Variants in GRM1 observed in about 807,000 individuals in gnomAD.
GRM1 encodes metabotropic glutamate receptor 1.
GRM1 carries 33 observed loss-of-function variants against 90.9 expected under a neutral mutation model. That is an observed-to-expected ratio of 0.36 (90% CI 0.28 to 0.49). The LOEUF is 0.49. Among genes scored for constraint, GRM1 ranks in the 20% least tolerant of loss-of-function variants. The pLI, the probability that GRM1 is intolerant of heterozygous loss-of-function variation, is 0.99. For synonymous variants in GRM1, 700 were observed against 613.2 expected (o/e 1.14, Z -2.09); for missense variants, 1,190 against 1,534.3 (o/e 0.78, Z 3.75).
At chr6:146,131,965 T>A (rs181098580) in intron 1 of GRM1, among the ~76,000 whole-genome samples, 1 of 152,060 alleles carries the variant, frequency 6.6e-6, no homozygotes, top group Admixed American at 6.5e-5. Flanking sequence ...TGAATAGGAG[T>A]AAGCCTAGCA....
intron 7 of GRM1, among the ~76,000 whole-genome samples, chr6:146,401,580 C>T (rs886747516): frequency 4.6e-5 from 7 of 152,168 alleles, no homozygotes; most frequent in African/African-American, 1.7e-4. Context: ...TTTATTGCAA[C>T]ACCTATGGTT....
intron 7 of GRM1, among the ~76,000 whole-genome samples, chr6:146,409,817 G>T (rs1029710063): frequency 6.6e-6 from 1 of 152,156 alleles, no homozygotes; most frequent in Non-Finnish European, 1.5e-5. Flanking sequence ...TAGCCTCTAT[G>T]CAAATTATCT....
At chr6:146,139,774 C>A (rs1583058668) in intron 1 of GRM1, among the ~76,000 whole-genome samples, 1 of 152,088 alleles carries the variant, frequency 6.6e-6, no homozygotes, top group African/African-American at 2.4e-5. Flanking sequence ...CATTCCATAT[C>A]TTTTGATTGG....
chr6:146,029,551 A>G lies in GRM1; in HGVS notation c.34A>G (p.Ile12Val). ...GCTCCTTTTGTTTTTTTTCCCAGCG[A>G]TCTTTTTGGAGGTGTCCCTTCTCCC... ...VGLLLFFFPA[I>V]FLEVSLLPRS... The change falls in exon 1 of 8, where the codon ATC becomes GTC. Residue 12 changes from isoleucine (I) to valine (V), a missense_variant. Ile to Val is a conservative substitution (Grantham distance 29). Coordinates refer to ENST00000282753, the MANE Select transcript of GRM1 (RefSeq NM_001278064.2). The G allele has an allele frequency of 6.2e-7, 1 of 1,613,814 alleles. No individual in the cohort carries two copies. The highest frequency in any genetic ancestry group is 8.5e-7 in the Non-Finnish European group (1 of 1,179,952).
intron 2 of GRM1, among the ~76,000 whole-genome samples, chr6:146,161,239 A>T (rs978641467): frequency 6.6e-6 from 1 of 152,132 alleles, no homozygotes; most frequent in Admixed American, 6.5e-5. Context: ...TCCTCAAAAA[A>T]GGGTTCTGGA....
At chr6:146,270,894 TTTC>T in intron 2 of GRM1, among the ~76,000 whole-genome samples, 1 of 112,846 alleles carries the variant, frequency 8.9e-6, no homozygotes, top group Admixed American at 9.1e-5. Context: ...TCTTTCTTTC[TTTC>T]TTTCTTTCTT....
intron 1 of GRM1, among the ~76,000 whole-genome samples, chr6:146,128,651 A>G (rs1291991801): frequency 6.6e-6 from 1 of 152,138 alleles, no homozygotes; most frequent in Non-Finnish European, 1.5e-5. Flanking sequence ...TAAAGGAAAA[A>G]CTTTGGGAAA....
At chr6:146,327,126 A>C (rs1431676284) in intron 3 of GRM1, among the ~76,000 whole-genome samples, 1 of 152,192 alleles carries the variant, frequency 6.6e-6, no homozygotes, top group African/African-American at 2.4e-5. Context: ...TCCATCTGCT[A>C]TTCATAGTTT....
At chr6:146,388,832 A>C (rs985314434) in intron 6 of GRM1, among the ~76,000 whole-genome samples, 3 of 152,046 alleles carry the variant, frequency 2.0e-5, no homozygotes, top group African/African-American at 4.8e-5. Context: ...ATAGCTACTT[A>C]ATACATGTTT....
At chr6:146,270,863 TTCTTTCTTTC>T (rs1393068991) in intron 2 of GRM1, among the ~76,000 whole-genome samples, 1 of 63,194 alleles carries the variant, frequency 1.6e-5, no homozygotes, top group Non-Finnish European at 3.0e-5. Flanking sequence ...CTTTCTTTCT[TTCTTTCTTTC>T]TTTCTTTCTT....
At chr6:146,089,350 T>C (rs1224615801) in intron 1 of GRM1, among the ~76,000 whole-genome samples, 1 of 152,044 alleles carries the variant, frequency 6.6e-6, no homozygotes, top group African/African-American at 2.4e-5. Flanking sequence ...TCTTTCCCAG[T>C]CAAAACATCA....
chr6:146,368,496 G>T (rs1326521406), intron 5 of GRM1, among the ~76,000 whole-genome samples: 3 of 151,984 alleles, frequency 2.0e-5, no homozygotes, highest in African/African-American at 7.2e-5. Flanking sequence ...TCAGTAAAAT[G>T]TCAGCTGTGG....
intron 1 of GRM1, among the ~76,000 whole-genome samples, chr6:146,154,845 C>A (rs1034426066): frequency 1.3e-5 from 2 of 152,104 alleles, no homozygotes; most frequent in Admixed American, 1.3e-4. Flanking sequence ...GTACTTATAC[C>A]TTGCCAACAC....
intron 2 of GRM1, among the ~76,000 whole-genome samples, chr6:146,249,833 CA>C (rs912702495): frequency 2.0e-5 from 3 of 152,134 alleles, no homozygotes; most frequent in Admixed American, 1.3e-4. Flanking sequence ...TGAAAGCAGC[CA>C]GGGGGTGGGT....
At position 146,388,475 on chromosome 6, in the gene GRM1, C is replaced by T. The variant is rs139895061; in HGVS notation, c.1729+1459C>T. On this transcript the variant is annotated intron_variant, in intron 6 of 7. Coordinates refer to ENST00000282753, the MANE Select transcript of GRM1 (RefSeq NM_001278064.2). ...TGACTAGGTAAGTAGAACTAGGTCA[C>T]GTAACTAAAATTATACTAAGTGACA... Among the ~76,000 whole-genome samples, 9 of 152,020 alleles carry T rather than the reference C, an allele frequency of 5.9e-5. No individual in the cohort carries two copies. In the East Asian group the frequency reaches 1.2e-3, roughly 20 times the overall value.
rs371024122 is a variant in GRM1, at chr6:146,357,716, G to T, written c.1602+22G>T. On this transcript the variant is annotated intron_variant, in intron 5 of 7. Coordinates refer to ENST00000282753, the MANE Select transcript of GRM1 (RefSeq NM_001278064.2). The stretch of plus-strand genomic sequence containing the variant: ...TAAGGTAAGCCACAAATGCATTCTT[G>T]CATGGTATCTGTGAGGAGGTTGGCT... 46 of 1,604,652 alleles carry T rather than the reference G, an allele frequency of 2.9e-5. No homozygotes were observed. The African/African-American group carries it at 5.7e-4, about 20-fold the overall frequency.
intron 2 of GRM1, among the ~76,000 whole-genome samples, chr6:146,230,059 T>G (rs538984508): frequency 2.6e-5 from 4 of 152,314 alleles, no homozygotes; most frequent in African/African-American, 9.6e-5. Context: ...GGGAAAGTTA[T>G]GAAAAAATGC....
At chr6:146,267,673 CTG>C (rs1781954233) in intron 2 of GRM1, among the ~76,000 whole-genome samples, 2 of 103,434 alleles carry the variant, frequency 1.9e-5, no homozygotes, top group African/African-American at 8.0e-5. Context: ...CTGGGCTGGG[CTG>C]GGCTGGGCTC....
At chr6:146,302,920 G>A (rs1159052779) in intron 2 of GRM1, among the ~76,000 whole-genome samples, 5 of 151,950 alleles carry the variant, frequency 3.3e-5, no homozygotes, top group Admixed American at 3.3e-4. Flanking sequence ...GAGGAAGGAA[G>A]GAAGGAAGGA....
Sources: gnomAD v4.1 joint callset for allele counts (sites outside exome capture counted in the v4.1 genomes callset) on GRCh38, gnomAD v4.1.1 for gene constraint, MANE v1.5 for transcripts, NCBI Gene and HGNC (gene_info 2026-07-23, HGNC 2026-07-21) for gene names.